The following KIAA1217 variants were observed in gnomAD, a reference collection of about 807,000 sequenced individuals.
KIAA1217 encodes the protein sickle tail protein homolog.
A neutral mutation model predicts 163.9 loss-of-function variants in KIAA1217; 88 were observed. That is an observed-to-expected ratio of 0.54 (90% CI 0.45 to 0.64). KIAA1217 has a LOEUF of 0.64. Among genes scored for constraint, KIAA1217 ranks in the 30% least tolerant of loss-of-function variants. KIAA1217 has a pLI of 0.00. For missense variants in KIAA1217, 2,372 were observed against 2,475.0 expected, an observed-to-expected ratio of 0.96 and a Z score of 0.88; for synonymous variants, 903 against 923.1, an observed-to-expected ratio of 0.98 and a Z score of 0.39.
chr10:23,880,986 G>C (rs957605298), intron 1 of KIAA1217, among the ~76,000 whole-genome samples: 1 of 151,854 alleles, frequency 6.6e-6, no homozygotes, highest in Non-Finnish European at 1.5e-5. Flanking sequence ...GAGCCACAGA[G>C]TTGAAGCTAT....
intron 1 of KIAA1217, among the ~76,000 whole-genome samples, chr10:23,919,907 A>T (rs767611598): frequency 1.3e-5 from 2 of 152,114 alleles, no homozygotes; most frequent in Non-Finnish European, 2.9e-5. Context: ...TCCAGGACAC[A>T]GTACTTGCTT....
At chr10:24,100,426 G>T (rs914704229) in intron 2 of KIAA1217, among the ~76,000 whole-genome samples, 2 of 152,148 alleles carry the variant, frequency 1.3e-5, no homozygotes, top group Non-Finnish European at 2.9e-5. Context: ...ATTACTTTGG[G>T]TGTGAAAATT....
chr10:24,282,876 C>G (rs928583327), intron 2 of KIAA1217, among the ~76,000 whole-genome samples: 1 of 136,116 alleles, frequency 7.3e-6, no homozygotes. Flanking sequence ...TCTTGTTGCC[C>G]AGGCTGGAGT....
chr10:24,110,118 G>A (rs1007709397), intron 2 of KIAA1217, among the ~76,000 whole-genome samples: 5 of 152,212 alleles, frequency 3.3e-5, no homozygotes, highest in African/African-American at 1.2e-4. Flanking sequence ...CTTTGAGACA[G>A]TCTTAATTAC....
intron 1 of KIAA1217, among the ~76,000 whole-genome samples, chr10:23,984,272 T>TC (rs1845882255): frequency 6.6e-6 from 1 of 152,226 alleles, no homozygotes; most frequent in Non-Finnish European, 1.5e-5. Context: ...AGAAGTTATC[T>TC]CTGTCTATTC....
Position 24,470,542 on chromosome 10 carries a change from T to A in KIAA1217, c.847-2686T>A, listed in dbSNP as rs145266802. 1.2e-3 allele frequency among the ~76,000 whole-genome samples: 180 copies of A among 152,204 alleles called. 1 individual carries two copies. Among genetic ancestry groups the A allele is most frequent in the African/African-American group, 4.0e-3 (168 of 41,510 alleles). The stretch of plus-strand genomic sequence containing the variant: ...GAGAGACCCTGGAGTGAGGACAGCA[T>A]CAGGATATCACAAGTTAGGTTTAGA... On this transcript the variant is annotated intron_variant, in intron 5 of 20. Coordinates refer to ENST00000376454, the MANE Select transcript of KIAA1217 (RefSeq NM_019590.5).
rs367967088 is a variant in KIAA1217 at position 24,177,016 on chromosome 10, C to T, written c.-170-42610C>T. Among the ~76,000 whole-genome samples, 174 of 151,864 alleles carry T rather than the reference C, an allele frequency of 1.1e-3. 1 individual carries two copies. Among genetic ancestry groups the T allele is most frequent in the African/African-American group, 4.1e-3 (168 of 41,424 alleles). The stretch of plus-strand genomic sequence containing the variant: ...GGCCGGTGGTGCCAGCTGGCTGCTC[C>T]GAGTGCGGGGCCTGCTGAGCCTGTG... On this transcript the variant is annotated intron_variant, in intron 2 of 18. Transcript: ENST00000376462.
intron 2 of KIAA1217, among the ~76,000 whole-genome samples, chr10:24,020,515 G>T (rs1847687593): frequency 6.6e-6 from 1 of 152,068 alleles, no homozygotes; most frequent in South Asian, 2.1e-4. Flanking sequence ...ACACAGCCAT[G>T]GCTGATTGGG....
At chr10:23,833,414 T>C (rs893818022) in intron 1 of KIAA1217, among the ~76,000 whole-genome samples, 5 of 150,060 alleles carry the variant, frequency 3.3e-5, no homozygotes, top group East Asian at 2.0e-4. Flanking sequence ...ACCCAGGAGA[T>C]GGAGGTTGCA....
intron 1 of KIAA1217, among the ~76,000 whole-genome samples, chr10:23,958,773 T>C (rs181682796): frequency 2.0e-5 from 3 of 152,034 alleles, no homozygotes; most frequent in Non-Finnish European, 1.5e-5. Flanking sequence ...TCTCATACCA[T>C]GCGAAAGCTG....
Position 24,020,856 on chromosome 10 carries a change from A to G in KIAA1217, c.-171+13482A>G, listed in dbSNP as rs80241997. On this transcript the variant is annotated intron_variant, in intron 2 of 18. Coordinates refer to the KIAA1217 transcript ENST00000376462. ...AGTTCCTAAAACAAAACAAAACAAA[A>G]CAAAACAACAACCTTGGGGGAAAAA... Among the ~76,000 whole-genome samples, 6 of 152,138 alleles carry G rather than the reference A, an allele frequency of 3.9e-5. No homozygotes were observed. In the East Asian group the frequency reaches 9.7e-4, roughly 25 times the overall value.
At chr10:23,968,186 A>G (rs1303617518) in intron 1 of KIAA1217, among the ~76,000 whole-genome samples, 1 of 152,206 alleles carries the variant, frequency 6.6e-6, no homozygotes, top group Non-Finnish European at 1.5e-5. Context: ...ATGTATGTGC[A>G]TATATAAATC....
chr10:24,416,612 C>T (rs1259303290), intron 3 of KIAA1217, among the ~76,000 whole-genome samples: 1 of 152,196 alleles, frequency 6.6e-6, no homozygotes, highest in Non-Finnish European at 1.5e-5. Context: ...GACAAATTTA[C>T]CTTCACGATG....
chr10:24,110,151 TG>T (rs1414155446), intron 2 of KIAA1217, among the ~76,000 whole-genome samples: 1 of 152,224 alleles, frequency 6.6e-6, no homozygotes, highest in African/African-American at 2.4e-5. Flanking sequence ...AAGAAAATGG[TG>T]GTTCCTAATT....
chr10:24,151,466 G>A (rs138782632), intron 2 of KIAA1217, among the ~76,000 whole-genome samples: 156 of 144,418 alleles, frequency 1.1e-3, no homozygotes, highest in Admixed American at 2.8e-3. Flanking sequence ...AGTATGCATC[G>A]GGCATGGTTC....
chr10:24,357,394 C>A (rs1436995547), intron 2 of KIAA1217, among the ~76,000 whole-genome samples: 1 of 152,284 alleles, frequency 6.6e-6, no homozygotes, highest in Middle Eastern at 3.4e-3. Context: ...CACCTCTTTT[C>A]CCTATTAAAA....
chr10:24,521,601 C>T (rs2071293735), intron 11 of KIAA1217, among the ~76,000 whole-genome samples, 181 bp from the exon 12 acceptor site: 1 of 152,188 alleles, frequency 6.6e-6, no homozygotes, highest in Non-Finnish European at 1.5e-5. Flanking sequence ...GAGCTTTACC[C>T]TTGCCCAAGG....
chr10:24,261,656 C>T (rs888492747), intron 2 of KIAA1217, among the ~76,000 whole-genome samples: 1 of 152,196 alleles, frequency 6.6e-6, no homozygotes, highest in South Asian at 2.1e-4. Flanking sequence ...GACAGTGGAA[C>T]CCTCCATGGG....
intron 2 of KIAA1217, 115 bp downstream of exon 2, chr10:24,220,024 AT>A: frequency 9.1e-7 from 1 of 1,101,808 alleles, no homozygotes; most frequent in Non-Finnish European, 1.2e-6. Flanking sequence ...TGTGCATACT[AT>A]TTAGTTGTTC....
Sources: gnomAD v4.1 joint callset for allele counts (sites outside exome capture counted in the v4.1 genomes callset) on GRCh38, gnomAD v4.1.1 for gene constraint, MANE v1.5 for transcripts, NCBI Gene and HGNC (gene_info 2026-07-23, HGNC 2026-07-21) for gene names.